NELL1: variants seen among roughly 807,000 people sequenced by gnomAD.
NELL1 encodes the protein protein kinase C-binding protein NELL1.
NELL1 carries 76 observed loss-of-function variants against 107.4 expected under a neutral mutation model. The observed-to-expected ratio is 0.71, with a 90% confidence interval of 0.59 to 0.86. NELL1 has a LOEUF of 0.86. NELL1 is among the 40% of genes least tolerant of loss of function. The probability of loss-of-function intolerance (pLI) is 0.00; values close to 1 mark genes in which losing one functional copy is unlikely to be tolerated. For missense variants in NELL1, 1,024 were observed against 1,005.5 expected, an observed-to-expected ratio of 1.02 and a Z score of -0.25; for synonymous variants, 353 against 341.2, an observed-to-expected ratio of 1.03 and a Z score of -0.38.
At chr11:20,895,295 A>G in intron 5 of NELL1, among the ~76,000 whole-genome samples, 1 of 126,178 alleles carries the variant, frequency 7.9e-6, no homozygotes, top group African/African-American at 3.4e-5. Context: ...AAAAAAAAAA[A>G]AAAAAAAAAA....
At chr11:20,684,331 A>T (rs1416108996) in intron 2 of NELL1, among the ~76,000 whole-genome samples, 1 of 152,044 alleles carries the variant, frequency 6.6e-6, no homozygotes, top group Non-Finnish European at 1.5e-5. Context: ...TCTGTGTATA[A>T]TTTTTGATCA....
intron 13 of NELL1, among the ~76,000 whole-genome samples, chr11:21,179,724 CAGTG>C (rs1360663454): frequency 6.6e-6 from 1 of 151,724 alleles, no homozygotes; most frequent in Non-Finnish European, 1.5e-5. Context: ...AGAGAATACT[CAGTG>C]AATAGTCTTT....
intron 16 of NELL1, among the ~76,000 whole-genome samples, chr11:21,540,696 CTCATGAGAACCCACTCACCA>C (rs1209501748): frequency 1.3e-5 from 2 of 152,036 alleles, no homozygotes; most frequent in African/African-American, 4.8e-5. Context: ...ACAACCAGAT[CTCATGAGAACCCACTCACCA>C]TCATGAGAAC....
chr11:20,996,991 A>C (rs1231997540), intron 12 of NELL1, among the ~76,000 whole-genome samples: 1 of 151,712 alleles, frequency 6.6e-6, no homozygotes, highest in Non-Finnish European at 1.5e-5. Context: ...CTTTTTCCCT[A>C]CCCCATGAGC....
intron 13 of NELL1, among the ~76,000 whole-genome samples, chr11:21,140,184 T>C: frequency 6.6e-6 from 1 of 152,160 alleles, no homozygotes; most frequent in East Asian, 1.9e-4. Context: ...ACTTGAAATA[T>C]CTCAAAGCAC....
At chr11:21,234,859 A>T (rs2133890757) in intron 14 of NELL1, among the ~76,000 whole-genome samples, 1 of 152,316 alleles carries the variant, frequency 6.6e-6, no homozygotes, top group South Asian at 2.1e-4. Context: ...AGTCAAATAG[A>T]CATCTCACAT....
chr11:20,719,895 A>G (rs551438636), intron 2 of NELL1, among the ~76,000 whole-genome samples: 56 of 72,252 alleles, frequency 7.8e-4, no homozygotes, highest in Non-Finnish European at 1.8e-3. Flanking sequence ...TAATGGAAAA[A>G]CCAGACTGTT....
intron 12 of NELL1, among the ~76,000 whole-genome samples, chr11:20,981,264 A>AT (rs987921325): frequency 2.6e-5 from 4 of 152,116 alleles, no homozygotes; most frequent in Non-Finnish European, 5.9e-5. Flanking sequence ...CAAATTCTTA[A>AT]TTTTTTTCAT....
At chr11:20,786,852 C>CAAA (rs1007733809) in intron 3 of NELL1, among the ~76,000 whole-genome samples, 5 of 151,160 alleles carry the variant, frequency 3.3e-5, no homozygotes, top group Non-Finnish European at 7.4e-5. Flanking sequence ...ACTAAAAATA[C>CAAA]AAAAAATTAG....
intron 17 of NELL1, among the ~76,000 whole-genome samples, chr11:21,566,896 C>T (rs4922560): frequency 0.29 from 43,837 of 151,618 alleles, 6,740 homozygotes; most frequent in East Asian, 0.4. Context: ...TTCTGAAACA[C>T]GTTAGAAGCT....
intron 3 of NELL1, among the ~76,000 whole-genome samples, chr11:20,800,395 G>A (rs931762023): frequency 6.6e-6 from 1 of 152,152 alleles, no homozygotes; most frequent in Non-Finnish European, 1.5e-5. Context: ...GCATTCTGAA[G>A]GGTATGAGAT....
intron 3 of NELL1, among the ~76,000 whole-genome samples, chr11:20,829,977 G>A (rs929627796): frequency 6.6e-6 from 1 of 152,054 alleles, no homozygotes; most frequent in African/African-American, 2.4e-5. Flanking sequence ...AAAGAAATTA[G>A]TAGTAAAGGA....
intron 3 of NELL1, among the ~76,000 whole-genome samples, chr11:20,786,322 C>T (rs1317638047): frequency 6.8e-6 from 1 of 146,312 alleles, no homozygotes; most frequent in East Asian, 2.0e-4. Flanking sequence ...CGCACACCAG[C>T]CTGGGCAACA....
intron 5 of NELL1, among the ~76,000 whole-genome samples, chr11:20,887,661 C>A (rs1206119305): frequency 1.3e-5 from 2 of 152,160 alleles, no homozygotes; most frequent in African/African-American, 4.8e-5. Flanking sequence ...AATAATACTT[C>A]CCAGAGAACT....
At chr11:20,823,439 C>T (rs1167938222) in intron 3 of NELL1, among the ~76,000 whole-genome samples, 1 of 151,094 alleles carries the variant, frequency 6.6e-6, no homozygotes, top group East Asian at 1.9e-4. Context: ...CAGGGTCAAA[C>T]CATATCAGTC....
At chr11:21,434,794 T>C (rs1431514189) in intron 15 of NELL1, among the ~76,000 whole-genome samples, 3 of 152,180 alleles carry the variant, frequency 2.0e-5, no homozygotes, top group East Asian at 1.9e-4. Context: ...TTCTGAAATA[T>C]GGTTATTTTA....
rs78727472 is a variant in NELL1 at position 20,697,717 on chromosome 11, G to T, written c.184+19657G>T. The stretch of plus-strand genomic sequence containing the variant: ...AAAGAGAACTGGCTTGCCGTCAAGT[G>T]TGGATAAAGTCTTAAGAGTGTTCAA... On this transcript the variant is annotated intron_variant, in intron 2 of 19. Transcript: ENST00000357134. Among the ~76,000 whole-genome samples the T allele has an allele frequency of 6.5e-3, 997 of 152,236 alleles. 7 individuals carry two copies. Among genetic ancestry groups the T allele is most frequent in the African/African-American group, 0.023 (951 of 41,562 alleles).
intron 15 of NELL1, among the ~76,000 whole-genome samples, chr11:21,475,124 A>T (rs1564912515): frequency 6.6e-6 from 1 of 152,182 alleles, no homozygotes; most frequent in Non-Finnish European, 1.5e-5. Context: ...CTAAAAGCAA[A>T]ATCTAACTTA....
intron 12 of NELL1, among the ~76,000 whole-genome samples, chr11:21,064,127 A>T (rs1853810987): frequency 6.6e-6 from 1 of 152,164 alleles, no homozygotes; most frequent in Non-Finnish European, 1.5e-5. Flanking sequence ...AACAGCTAGA[A>T]GGCCCTTGTA....
Sources: gnomAD v4.1 joint callset for allele counts (sites outside exome capture counted in the v4.1 genomes callset) on GRCh38, gnomAD v4.1.1 for gene constraint, MANE v1.5 for transcripts, NCBI Gene and HGNC (gene_info 2026-07-23, HGNC 2026-07-21) for gene names.